The following MCC variants were observed in gnomAD, a reference collection of about 807,000 sequenced individuals.
MCC encodes the protein colorectal mutant cancer protein.
In MCC, 90 loss-of-function variants were observed where a neutral mutation model predicts 116.2. That is an observed-to-expected ratio of 0.77 (90% confidence interval 0.65 to 0.92). MCC has a LOEUF of 0.92. Ranked by LOEUF, MCC falls within the 40% of genes least tolerant of loss-of-function variation. The pLI, the probability that MCC is intolerant of heterozygous loss-of-function variation, is 0.00. For synonymous variants in MCC, 578 were observed against 510.5 expected, an observed-to-expected ratio of 1.13 and a Z score of -1.78; for missense variants, 1,516 against 1,312.2, an observed-to-expected ratio of 1.16 and a Z score of -2.40.
chr5:113,466,334 T>TC (rs1259147674), intron 1 of MCC, among the ~76,000 whole-genome samples: 1 of 75,158 alleles, frequency 1.3e-5, no homozygotes, highest in Non-Finnish European at 2.6e-5. Flanking sequence ...CCCTCCCCCC[T>TC]CCCCCCACCC....
intron 8 of MCC, among the ~76,000 whole-genome samples, chr5:113,093,918 C>A (rs1161622619): frequency 1.3e-5 from 2 of 152,150 alleles, no homozygotes; most frequent in Admixed American, 6.5e-5. Context: ...GGCTGTAATT[C>A]ATAATTTCAC....
chr5:113,101,994 A>G, intron 7 of MCC, 49 bp from the exon 8 acceptor site: 1 of 1,578,352 alleles, frequency 6.3e-7, no homozygotes, highest in Non-Finnish European at 8.7e-7. Context: ...CCTTGGAGAA[A>G]GGGGATAGGA....
Position 113,029,039 on chromosome 5 carries a change from G to GC in MCC, c.2773dup (p.Ala925GlyfsTer18). ...GGCACTCACCAGCTCTTGAACTCTG[G>GC]CCTTCAACTTCTTTTCTCTATATTA... On this transcript the variant is annotated frameshift_variant, in exon 18 of 19. Transcript: ENST00000408903. LOFTEE classifies it high-confidence loss of function. 6.2e-7 allele frequency: 1 copy of GC among 1,612,770 alleles called. No homozygotes were observed. The highest frequency in any genetic ancestry group is 8.5e-7 in the Non-Finnish European group (1 of 1,179,384).
chr5:113,228,352 C>T (rs1222875464), intron 3 of MCC, among the ~76,000 whole-genome samples: 2 of 152,142 alleles, frequency 1.3e-5, no homozygotes, highest in Admixed American at 6.5e-5. Flanking sequence ...CACCACCCCC[C>T]GAATGGTGCT....
intron 3 of MCC, among the ~76,000 whole-genome samples, chr5:113,157,566 G>A (rs1760242523): frequency 6.6e-6 from 1 of 152,208 alleles, no homozygotes; most frequent in East Asian, 1.9e-4. Context: ...AGTCTTCCCG[G>A]CTTTGTTGGG....
intron 3 of MCC, among the ~76,000 whole-genome samples, chr5:113,189,114 T>A (rs1217075748): frequency 6.6e-6 from 1 of 152,076 alleles, no homozygotes. Flanking sequence ...CGAGACAACC[T>A]CAGACTTGCT....
chr5:113,036,562 G>T lies in MCC; in HGVS notation c.2756+6968C>A, dbSNP rs1751343818. Among the ~76,000 whole-genome samples the T allele has an allele frequency of 2.0e-5, 3 of 152,216 alleles. No homozygotes were observed. In the South Asian group the frequency reaches 6.2e-4, roughly 31 times the overall value. ...ATGAGGTTCTGCAGGTATGTCGGTGGCTGTGTTTTGCCAGGAGTAGCAGCA... is the reference window on the plus strand; with the variant it reads ...ATGAGGTTCTGCAGGTATGTCGGTGTCTGTGTTTTGCCAGGAGTAGCAGCA... On this transcript the variant is annotated intron_variant, in intron 17 of 18. Coordinates refer to ENST00000408903, the MANE Select transcript of MCC (RefSeq NM_001085377.2).
intron 5 of MCC, among the ~76,000 whole-genome samples, chr5:113,135,426 G>C (rs1220816342): frequency 6.9e-6 from 1 of 145,910 alleles, no homozygotes; most frequent in African/African-American, 2.6e-5. Flanking sequence ...GGGTGTGGTG[G>C]TGGGAGCCTG....
At chr5:113,459,936 G>A (rs770486158) in intron 1 of MCC, among the ~76,000 whole-genome samples, 1 of 151,788 alleles carries the variant, frequency 6.6e-6, no homozygotes, top group African/African-American at 2.4e-5. Flanking sequence ...CTTAAAGAAA[G>A]GACAAGTAAA....
At chr5:113,438,923 C>T (rs1770947886) in intron 1 of MCC, among the ~76,000 whole-genome samples, 1 of 152,090 alleles carries the variant, frequency 6.6e-6, no homozygotes. Flanking sequence ...GAAAAAAAAT[C>T]AGAGGGCTGG....
intron 3 of MCC, among the ~76,000 whole-genome samples, chr5:113,325,001 T>TA (rs1200370198): frequency 0.04 from 5,672 of 141,896 alleles, 354 homozygotes; most frequent in African/African-American, 0.13. Context: ...CCCAGCTAAT[T>TA]AAAAAAAAAA....
chr5:113,331,322 G>A (rs1201310393), intron 3 of MCC, among the ~76,000 whole-genome samples: 1 of 151,758 alleles, frequency 6.6e-6, no homozygotes, highest in Non-Finnish European at 1.5e-5. Flanking sequence ...GAGTGACTCA[G>A]CGTCCACTAG....
intron 1 of MCC, among the ~76,000 whole-genome samples, chr5:113,406,915 C>T (rs1360434826): frequency 3.3e-5 from 5 of 152,128 alleles, no homozygotes; most frequent in Non-Finnish European, 5.9e-5. Flanking sequence ...AGGTTCTACA[C>T]CCCTTGAGCC....
intron 2 of MCC, 116 bp downstream of exon 2, chr5:113,384,852 C>G: frequency 1.6e-6 from 2 of 1,222,752 alleles, no homozygotes; most frequent in Non-Finnish European, 2.3e-6. Flanking sequence ...GCCAGGAGGG[C>G]AGCCTCAGTA....
At chr5:113,429,513 G>A (rs1770572132) in intron 1 of MCC, among the ~76,000 whole-genome samples, 1 of 152,198 alleles carries the variant, frequency 6.6e-6, no homozygotes, top group Non-Finnish European at 1.5e-5. Flanking sequence ...GACATGTAAT[G>A]CAAGTAAACT....
At chr5:113,302,263 AC>A (rs1561515841) in intron 3 of MCC, among the ~76,000 whole-genome samples, 2 of 152,184 alleles carry the variant, frequency 1.3e-5, no homozygotes. Context: ...CACAAAAAAA[AC>A]CCTATATAAC....
intron 12 of MCC, among the ~76,000 whole-genome samples, chr5:113,070,524 C>A (rs1288666677): frequency 2.6e-5 from 4 of 152,112 alleles, no homozygotes; most frequent in Admixed American, 6.5e-5. Context: ...ATATTCATAT[C>A]CTTTGACCTA....
intron 16 of MCC, among the ~76,000 whole-genome samples, chr5:113,044,839 G>C (rs975822886): frequency 3.9e-5 from 6 of 152,360 alleles, no homozygotes; most frequent in Admixed American, 2.6e-4. Flanking sequence ...CTCCCAAAGT[G>C]CTGGGATCAC....
At chr5:113,435,394 T>C (rs989111616) in intron 1 of MCC, among the ~76,000 whole-genome samples, 1 of 152,152 alleles carries the variant, frequency 6.6e-6, no homozygotes, top group African/African-American at 2.4e-5. Flanking sequence ...AGGGTGGGAA[T>C]GGTCCCTGGA....
Sources: gnomAD v4.1 joint callset for allele counts (sites outside exome capture counted in the v4.1 genomes callset) on GRCh38, gnomAD v4.1.1 for gene constraint, MANE v1.5 for transcripts, NCBI Gene and HGNC (gene_info 2026-07-23, HGNC 2026-07-21) for gene names.